Variants in ZDHHC15 observed in about 807,000 individuals in gnomAD.
ZDHHC15 encodes the protein palmitoyltransferase ZDHHC15.
Under a neutral mutation model 31.7 loss-of-function variants are expected in ZDHHC15, and 19 were observed. The observed-to-expected ratio is 0.60, with a 90% confidence interval of 0.42 to 0.88. The LOEUF is 0.88. Among genes scored for constraint, ZDHHC15 ranks in the 40% least tolerant of loss-of-function variants. The pLI is 0.00. For missense variants in ZDHHC15, 209 were observed against 251.2 expected (o/e 0.83, Z 1.14); for synonymous variants, 103 against 90.0 (o/e 1.14, Z -0.82).
intron 10 of ZDHHC15, among the ~76,000 whole-genome samples, chrX:75,398,864 C>T (rs1046140001): frequency 9.0e-6 from 1 of 111,545 alleles, no homozygotes; most frequent in African/African-American, 3.3e-5. Flanking sequence ...TCTATCAAAA[C>T]AGGATCAGAC....
chrX:75,460,711 C>G (rs1217225354), intron 3 of ZDHHC15, among the ~76,000 whole-genome samples: 3 of 110,724 alleles, frequency 2.7e-5, no homozygotes, highest in African/African-American at 9.9e-5. Context: ...AGGAGAGTGA[C>G]CTGACTGTTA....
chrX:75,424,136 A>T (rs1272788811), intron 8 of ZDHHC15, among the ~76,000 whole-genome samples: 2 of 110,954 alleles, frequency 1.8e-5, no homozygotes, highest in African/African-American at 3.3e-5. Flanking sequence ...TAGTACCTAA[A>T]CAGCCCCTTG....
chrX:75,494,325 G>A (rs1335225004), intron 2 of ZDHHC15, among the ~76,000 whole-genome samples: 3 of 111,542 alleles, frequency 2.7e-5, no homozygotes, highest in Non-Finnish European at 5.6e-5. Flanking sequence ...TCATGGGTAC[G>A]AAGAATCAAT....
At chrX:75,498,081 GCAC>G (rs2085033248) in intron 2 of ZDHHC15, among the ~76,000 whole-genome samples, 1 of 110,177 alleles carries the variant, frequency 9.1e-6, no homozygotes, top group Non-Finnish European at 1.9e-5. Context: ...TTACAGGCAT[GCAC>G]CACCACGCCA....
At chrX:75,521,767 G>C (rs1262925395) in intron 1 of ZDHHC15, among the ~76,000 whole-genome samples, 1 of 111,345 alleles carries the variant, frequency 9.0e-6, no homozygotes, top group African/African-American at 3.3e-5. Context: ...GATGGGACAA[G>C]TGCAATCCAA....
chrX:75,510,711 T>C (rs1223769259), intron 1 of ZDHHC15, among the ~76,000 whole-genome samples: 1 of 79,828 alleles, frequency 1.3e-5, no homozygotes, highest in African/African-American at 4.6e-5. Context: ...TATCTCCCAA[T>C]GCTATCCCTC....
intron 7 of ZDHHC15, among the ~76,000 whole-genome samples, chrX:75,428,334 TAA>T (rs1016480781): frequency 2.7e-5 from 3 of 112,241 alleles, no homozygotes; most frequent in South Asian, 3.6e-4. Flanking sequence ...AAATCTGCCT[TAA>T]GTTTGTTTTT....
chrX:75,450,976 T>C (rs1346990166), intron 3 of ZDHHC15, 54 bp from the exon 4 acceptor site: 3 of 1,152,184 alleles, frequency 2.6e-6, no homozygotes, highest in Admixed American at 2.6e-5. Context: ...ATAGAAAAGA[T>C]TAAAACCAAC....
intron 3 of ZDHHC15, among the ~76,000 whole-genome samples, chrX:75,452,547 C>T (rs1487426393): frequency 9.0e-6 from 1 of 111,663 alleles, no homozygotes; most frequent in Non-Finnish European, 1.9e-5. Context: ...ACCTAATAGA[C>T]ATCCACAGAA....
chrX:75,487,590 A>G (rs1184476800), intron 2 of ZDHHC15, among the ~76,000 whole-genome samples: 1 of 112,101 alleles, frequency 8.9e-6, no homozygotes, highest in Non-Finnish European at 1.9e-5. Context: ...AAGGAACCAG[A>G]AAAACAATTC....
At chrX:75,485,779 G>A (rs916173309) in intron 2 of ZDHHC15, among the ~76,000 whole-genome samples, 2 of 112,358 alleles carry the variant, frequency 1.8e-5, no homozygotes, top group Non-Finnish European at 1.9e-5. Context: ...CACTCCATCC[G>A]TAACTCTGTA....
At chrX:75,427,550 T>C (rs1290775375) in intron 7 of ZDHHC15, among the ~76,000 whole-genome samples, 1 of 111,423 alleles carries the variant, frequency 9.0e-6, no homozygotes, top group East Asian at 2.8e-4. Flanking sequence ...CCTACTGTGT[T>C]AAGAACCAAG....
chrX:75,460,379 A>C (rs1008430823), intron 3 of ZDHHC15, among the ~76,000 whole-genome samples: 7 of 109,799 alleles, frequency 6.4e-5, no homozygotes, highest in Non-Finnish European at 1.9e-5. Flanking sequence ...CAGAGTCCAA[A>C]TTTTCTGGAC....
intron 1 of ZDHHC15, among the ~76,000 whole-genome samples, chrX:75,510,523 C>T (rs1450539597): frequency 1.9e-4 from 11 of 56,584 alleles, no homozygotes; most frequent in Middle Eastern, 0.011. Context: ...CTTCTCTCTT[C>T]GGAAAATTTC....
chrX:75,372,255 G>GATC lies in ZDHHC15; in HGVS notation c.*720_*722dup, dbSNP rs2083011969. 8.9e-6 allele frequency: 1 copy of GATC among 111,959 alleles called. No homozygotes were observed. Among genetic ancestry groups the GATC allele is most frequent in the Non-Finnish European group, 1.9e-5 (1 of 53,161 alleles). The allele number at this position is 111,959 out of a possible 1,213,427, so 9.2% of individuals were successfully genotyped here. On this transcript the variant is annotated 3_prime_UTR_variant, in exon 12 of 12. Coordinates refer to ENST00000373367, the MANE Select transcript of ZDHHC15 (RefSeq NM_144969.3). ...TCAATAAAGTTTATGTCCTGAATTT[G>GATC]ATCTTCTTGAGTAGCTGTGGTGCTT...
chrX:75,425,547 A>G (rs2083703134), intron 7 of ZDHHC15, among the ~76,000 whole-genome samples: 1 of 112,624 alleles, frequency 8.9e-6, no homozygotes, highest in African/African-American at 3.2e-5. Flanking sequence ...CATGCGCAGC[A>G]TGTAACATTT....
At chrX:75,497,601 C>T (rs947706592) in intron 2 of ZDHHC15, among the ~76,000 whole-genome samples, 7 of 111,554 alleles carry the variant, frequency 6.3e-5, no homozygotes, top group African/African-American at 2.3e-4. Context: ...CTAACCGAAT[C>T]CAATAGCATA....
intron 2 of ZDHHC15, among the ~76,000 whole-genome samples, chrX:75,482,650 ATTAGTTGTC>A (rs1196544703): frequency 1.8e-5 from 2 of 111,796 alleles, no homozygotes; most frequent in Non-Finnish European, 3.8e-5. Flanking sequence ...AGGGCTTCAT[ATTAGTTGTC>A]TTAAACAGCA....
rs180838055 is a variant in ZDHHC15 at position 75,480,538 on chromosome X, C to T, written c.164-1553G>A. Among the ~76,000 whole-genome samples the T allele has an allele frequency of 3.3e-3, 366 of 110,794 alleles. 1 individual carries two copies. The highest frequency in any genetic ancestry group is 0.011 in the African/African-American group (347 of 30,532). On this transcript the variant is annotated intron_variant, in intron 2 of 11. Coordinates refer to ENST00000373367, the MANE Select transcript of ZDHHC15 (RefSeq NM_144969.3). ...GAAAAGTCTTCCTTCTATACCTGTC[C>T]CCCAGCCACCCAGTTCTCCTCGCTG...
Sources: gnomAD v4.1 joint callset for allele counts (sites outside exome capture counted in the v4.1 genomes callset) on GRCh38, gnomAD v4.1.1 for gene constraint, MANE v1.5 for transcripts, NCBI Gene and HGNC (gene_info 2026-07-23, HGNC 2026-07-21) for gene names.